Variants in BLTP1 observed in about 807,000 individuals in gnomAD.
The protein encoded by BLTP1 is fragile site-associated protein.
the BLTP1 span, chr4:122,306,114 TTGTAGTTTACTGG>T: frequency 6.9e-7 from 1 of 1,456,144 alleles, no homozygotes; most frequent in South Asian, 1.4e-5. Flanking sequence ...GATAAGAATC[TTGTAGTTTACTGG>T]TGTAAATGCT....
the BLTP1 span, among the ~76,000 whole-genome samples, chr4:122,350,963 C>T: frequency 4.2e-4 from 64 of 152,200 alleles, no homozygotes; most frequent in East Asian, 9.6e-3. Flanking sequence ...GATTTGATAT[C>T]GGATTTATCT....
chr4:122,274,464 C>T, the BLTP1 span: 4 of 1,577,072 alleles, frequency 2.5e-6, no homozygotes, highest in South Asian at 1.2e-5. Flanking sequence ...TATTTTCTTA[C>T]ACTTATAGTT....
the BLTP1 span, among the ~76,000 whole-genome samples, chr4:122,268,806 A>G: frequency 1.1e-4 from 17 of 152,320 alleles, no homozygotes; most frequent in South Asian, 3.3e-3. Flanking sequence ...TCTGTGCATG[A>G]AGTGAACAAT....
the BLTP1 span, chr4:122,359,513 G>T: frequency 6.3e-7 from 1 of 1,581,338 alleles, no homozygotes; most frequent in South Asian, 1.1e-5. Context: ...TTCTTATGGT[G>T]ATTTAACATA....
the BLTP1 span, chr4:122,207,082 T>C: frequency 1.3e-6 from 2 of 1,566,038 alleles, no homozygotes; most frequent in East Asian, 4.7e-5. Flanking sequence ...AACTTTACAA[T>C]TTCTATTCAC....
chr4:122,229,606 C>G, the BLTP1 span: 4 of 480,220 alleles, frequency 8.3e-6, no homozygotes, highest in Non-Finnish European at 1.1e-5. Context: ...TTGTTTCCCA[C>G]TCTTTTATGG....
At chr4:122,259,313 C>A in the BLTP1 span, among the ~76,000 whole-genome samples, 1 of 152,094 alleles carries the variant, frequency 6.6e-6, no homozygotes, top group African/African-American at 2.4e-5. Context: ...AAACCTGCCC[C>A]GCCACTTAGT....
the BLTP1 span, chr4:122,281,773 A>G: frequency 1.3e-6 from 2 of 1,529,232 alleles, 1 homozygote; most frequent in Non-Finnish European, 1.8e-6. Context: ...ATGGAATGAC[A>G]GGTAATATTG....
At chr4:122,300,548 T>G in the BLTP1 span, among the ~76,000 whole-genome samples, 1 of 152,146 alleles carries the variant, frequency 6.6e-6, no homozygotes, top group Admixed American at 6.6e-5. Context: ...TCTGTTCTAG[T>G]AGAAAACTAA....
At chr4:122,220,248 A>C in the BLTP1 span, 7 of 1,405,660 alleles carry the variant, frequency 5.0e-6, no homozygotes, top group Non-Finnish European at 6.8e-6. Flanking sequence ...TCTCTTAATC[A>C]TGACAGATGT....
chr4:122,332,817 T>G, the BLTP1 span, among the ~76,000 whole-genome samples: 1 of 117,100 alleles, frequency 8.5e-6, no homozygotes, highest in African/African-American at 3.3e-5. Flanking sequence ...AGTGTGATAT[T>G]CCCCTTCCTG....
chr4:122,182,830 T>C, the BLTP1 span: 1 of 984,928 alleles, frequency 1.0e-6, no homozygotes, highest in South Asian at 4.7e-5. Flanking sequence ...CCTCTTTCTT[T>C]TTTTAAATCC....
the BLTP1 span, chr4:122,341,719 G>A: frequency 1.0e-6 from 1 of 984,912 alleles, no homozygotes. Context: ...TTTACTTTGT[G>A]GTCTGGGTCA....
chr4:122,226,992 G>A, the BLTP1 span: 1 of 612,724 alleles, frequency 1.6e-6, no homozygotes. Context: ...ACCCATTTTA[G>A]TTTTAAGTAT....
the BLTP1 span, among the ~76,000 whole-genome samples, chr4:122,228,590 T>G: frequency 5.9e-4 from 90 of 152,310 alleles, no homozygotes; most frequent in Non-Finnish European, 6.9e-4. Context: ...TGCCATCTCC[T>G]CAAGAAATTT....
the BLTP1 span, chr4:122,190,216 C>A: frequency 1.7e-5 from 20 of 1,151,272 alleles, no homozygotes; most frequent in Non-Finnish European, 2.4e-5. Context: ...CCTACTTCAG[C>A]CTCCTGAGTT....
chr4:122,355,822 G>GCTA, the BLTP1 span: 4 of 1,601,180 alleles, frequency 2.5e-6, no homozygotes, highest in Non-Finnish European at 3.4e-6. Context: ...TAATGTTGAT[G>GCTA]CTAACAACAC....
At chr4:122,305,405 T>G in the BLTP1 span, 1 of 953,652 alleles carries the variant, frequency 1.0e-6, no homozygotes, top group Non-Finnish European at 1.2e-6. Context: ...TTTATAAAAA[T>G]GAATGTTCAC....
the BLTP1 span, chr4:122,152,931 C>T: frequency 2.5e-5 from 23 of 930,946 alleles, no homozygotes; most frequent in Admixed American, 6.2e-5. Flanking sequence ...TTGCCAGCTG[C>T]ACTGGGTTGT....
Sources: gnomAD v4.1 joint callset for allele counts (sites outside exome capture counted in the v4.1 genomes callset) on GRCh38, gnomAD v4.1.1 for gene constraint, MANE v1.5 for transcripts, NCBI Gene and HGNC (gene_info 2026-07-23, HGNC 2026-07-21) for gene names.